Variants in SLC6A13 observed in about 807,000 individuals in gnomAD.
SLC6A13 encodes the protein sodium- and chloride-dependent GABA transporter 2.
In SLC6A13, 69 loss-of-function variants were observed where a neutral mutation model predicts 72.9. That is an observed-to-expected ratio of 0.95 (90% CI 0.78 to 1.16). The LOEUF (loss-of-function observed/expected upper bound fraction) is 1.16, where lower values mean the gene tolerates loss of function less well. Among genes scored for constraint, SLC6A13 ranks in the 50% most tolerant of loss-of-function variants. The pLI is 0.00. For missense variants in SLC6A13, 735 were observed against 760.5 expected, an observed-to-expected ratio of 0.97 and a Z score of 0.39; for synonymous variants, 303 against 303.0, an observed-to-expected ratio of 1.00 and a Z score of 0.00.
chr12:232,977 C>A (rs1271484946), intron 7 of SLC6A13, among the ~76,000 whole-genome samples: 1 of 151,710 alleles, frequency 6.6e-6, no homozygotes, highest in Non-Finnish European at 1.5e-5. Flanking sequence ...CCTCAGTGTG[C>A]CTGTCGCCTC....
At chr12:240,630 C>T (rs1456928589) in intron 4 of SLC6A13, among the ~76,000 whole-genome samples, 1 of 152,366 alleles carries the variant, frequency 6.6e-6, no homozygotes, top group South Asian at 2.1e-4. Context: ...TCTGCCCTCA[C>T]GATCTTGATG....
chr12:253,527 G>A (rs1942629846), intron 2 of SLC6A13: 1 of 152,320 alleles, frequency 6.6e-6, no homozygotes, highest in African/African-American at 2.4e-5. Context: ...TCCTCTTTGT[G>A]TGGGCATCCC....
At position 237,311 on chromosome 12, in the gene SLC6A13, C is replaced by T. The variant is rs187325952; in HGVS notation, c.564-21G>A. ...GCCGCCTGGGGAGAGAAGGGTTGAACCTGGCTTACTTTTTCTGCCAGCCTC... is the reference window on the plus strand; with the variant it reads ...GCCGCCTGGGGAGAGAAGGGTTGAATCTGGCTTACTTTTTCTGCCAGCCTC... On this transcript the variant is annotated intron_variant, in intron 5 of 14. Transcript: ENST00000343164. The T allele has an allele frequency of 9.0e-5, 145 of 1,612,954 alleles. No individual in the cohort carries two copies. The African/African-American group carries it at 1.5e-3, about 17-fold the overall frequency.
intron 13 of SLC6A13, 30 bp from the exon 14 acceptor site, chr12:221,576 TG>T (rs777637710): frequency 7.7e-6 from 6 of 779,186 alleles, no homozygotes; most frequent in Non-Finnish European, 1.1e-5. Context: ...AGAAAGGGGT[TG>T]GGGGGCGGGG....
Position 243,720 on chromosome 12 carries a change from C to A in SLC6A13, c.296G>T (p.Gly99Val), listed in dbSNP as rs1468079797. 6.2e-7 allele frequency: 1 copy of A among 1,614,074 alleles called. No homozygotes were observed. Among genetic ancestry groups the A allele is most frequent in the Non-Finnish European group, 8.5e-7 (1 of 1,180,000 alleles). ...GATCTTCCTCCAGGCTGTGACGCCT[C>A]CCTGGCTAGTGTACTGGCCTAGTGC... ...ETALGQYTSQGGVTAWRKICP... is the reference protein window; with the variant it reads ...ETALGQYTSQVGVTAWRKICP... The change falls in exon 3 of 15, where the codon GGA becomes GTA. Residue 99 changes from glycine to valine, a missense_variant. By Grantham distance (109) the Gly-to-Val change is moderately radical. Coordinates refer to ENST00000343164, the MANE Select transcript of SLC6A13 (RefSeq NM_016615.5).
intron 2 of SLC6A13, among the ~76,000 whole-genome samples, chr12:244,394 A>G (rs1942277846): frequency 6.6e-6 from 1 of 152,210 alleles, no homozygotes; most frequent in Admixed American, 6.5e-5. Context: ...TGTTTGTTAT[A>G]AAAGTGAGTT....
intron 2 of SLC6A13, chr12:253,648 A>T (rs891506572): frequency 6.6e-6 from 1 of 152,304 alleles, no homozygotes; most frequent in African/African-American, 2.4e-5. Context: ...TCCAGTCCCA[A>T]GTTAATTCTG....
intron 3 of SLC6A13, among the ~76,000 whole-genome samples, 162 bp downstream of exon 3, chr12:243,517 T>C (rs1044788216): frequency 2.0e-5 from 3 of 152,210 alleles, no homozygotes; most frequent in Admixed American, 1.3e-4. Flanking sequence ...CTCTGATAGA[T>C]CAGCTGACTA....
intron 2 of SLC6A13, among the ~76,000 whole-genome samples, chr12:252,006 A>T (rs1224944762): frequency 6.6e-6 from 1 of 152,204 alleles, no homozygotes; most frequent in East Asian, 1.9e-4. Context: ...TACAAAACAC[A>T]GAATGAAAAA....
chr12:233,090 G>A (rs777406084), intron 7 of SLC6A13, among the ~76,000 whole-genome samples: 14 of 152,192 alleles, frequency 9.2e-5, no homozygotes, highest in Admixed American at 5.2e-4. Flanking sequence ...GGAGCCACCC[G>A]CCCTTATGTC....
Position 259,913 on chromosome 12 carries a change from C to T in SLC6A13, c.140G>A (p.Gly47Glu). The change falls in exon 2 of 15, where the codon GGG becomes GAG. Residue 47 changes from glycine to glutamate, a missense_variant. Transcript: ENST00000343164. Reference protein sequence around the residue: ...NKMEFVLSVAGEIIGLGNVWR... With the variant: ...NKMEFVLSVAEEIIGLGNVWR... ...GACGTTGCCTAAGCCAATGATCTCC[C>T]CAGCCACTGACAGCACAAACTCCAT... 1 of 1,614,210 alleles carries T rather than the reference C, an allele frequency of 6.2e-7. No homozygotes were observed. The highest frequency in any genetic ancestry group is 2.2e-5 in the East Asian group (1 of 44,890).
chr12:247,792 A>G (rs939324976), intron 2 of SLC6A13, among the ~76,000 whole-genome samples: 3 of 152,206 alleles, frequency 2.0e-5, no homozygotes, highest in African/African-American at 7.2e-5. Flanking sequence ...TATAACATAT[A>G]AAAATGTATA....
chr12:247,253 GA>G (rs565098507), intron 2 of SLC6A13, among the ~76,000 whole-genome samples: 1 of 148,618 alleles, frequency 6.7e-6, no homozygotes, highest in African/African-American at 2.5e-5. Flanking sequence ...AAAAAAAAAT[GA>G]AAAAAAACTA....
chr12:259,991 A>G lies in SLC6A13; in HGVS notation c.62T>C (p.Met21Thr), dbSNP rs762568954. The G allele has an allele frequency of 6.2e-6, 10 of 1,613,896 alleles. No individual in the cohort carries two copies. The highest frequency in any genetic ancestry group is 8.5e-6 in the Non-Finnish European group (10 of 1,180,000). The change falls in exon 2 of 15, where the codon ATG (methionine) becomes ACG (threonine). Residue 21 changes from methionine to threonine, a missense_variant. Physicochemically the swap from Met to Thr is moderately conservative, Grantham distance 81. Transcript: ENST00000343164. ...NGETKPVYPV[M>T]EKKEEDGTLE... The stretch of plus-strand genomic sequence containing the variant: ...GGTGCCATCTTCCTCCTTCTTTTCC[A>G]TGACTGGATACACTGGTTTTGTCTC...
chr12:227,441 G>C (rs1321482646), intron 8 of SLC6A13, 124 bp downstream of exon 8: 3 of 1,504,336 alleles, frequency 2.0e-6, no homozygotes, highest in African/African-American at 1.4e-5. Flanking sequence ...TGTTGGATAT[G>C]GGGGTGTAGA....
chr12:238,089 T>A, intron 4 of SLC6A13, 79 bp from the exon 5 acceptor site: 1 of 1,585,118 alleles, frequency 6.3e-7, no homozygotes, highest in East Asian at 2.2e-5. Context: ...TGGGGTGAAA[T>A]TCTAGGAGAA....
At chr12:244,213 G>C (rs1290877793) in intron 2 of SLC6A13, among the ~76,000 whole-genome samples, 2 of 152,244 alleles carry the variant, frequency 1.3e-5, no homozygotes, top group Non-Finnish European at 2.9e-5. Flanking sequence ...CTTTTAGTAA[G>C]CTGAAATCAG....
At position 254,219 on chromosome 12, in the gene SLC6A13, G is replaced by A. The variant is rs1469246744; in HGVS notation, c.202+5632C>T. Among the ~76,000 whole-genome samples, 2 of 152,194 alleles carry A rather than the reference G, an allele frequency of 1.3e-5. No homozygotes were observed. The highest frequency in any genetic ancestry group is 1.5e-5 in the Non-Finnish European group (1 of 68,036). ...CTCGCCAGCTCAGGGCCCCACCCCC[G>A]AGGAGTCTGGCCACTGGCACACTGT... On this transcript the variant is annotated intron_variant, in intron 2 of 14. Transcript: ENST00000343164. The surrounding 1 kb of genome is among the most constrained non-coding windows in gnomAD (Gnocchi z 4.4).
chr12:227,481 C>A (rs1336027836), intron 8 of SLC6A13, 84 bp downstream of exon 8: 1 of 1,585,246 alleles, frequency 6.3e-7, no homozygotes, highest in Admixed American at 1.8e-5. Flanking sequence ...GCTGATGCAC[C>A]CTCCAACTCA....
Sources: allele counts gnomAD v4.1 joint callset (sites outside exome capture counted in the v4.1 genomes callset), GRCh38; gene constraint gnomAD v4.1.1; non-coding constraint Gnocchi (gnomAD v3.1); transcripts MANE v1.5; gene names NCBI Gene and HGNC (gene_info 2026-07-23, HGNC 2026-07-21).